Variants in CRCP observed in about 807,000 individuals in gnomAD.
CRCP encodes DNA-directed RNA polymerase III subunit RPC9.
Under a neutral mutation model 18.5 loss-of-function variants are expected in CRCP, and 18 were observed. The observed-to-expected ratio is 0.97, with a 90% CI of 0.67 to 1.44. The LOEUF (loss-of-function observed/expected upper bound fraction) is 1.44. Ranked by LOEUF, CRCP falls within the 40% of genes most tolerant of loss-of-function variation. The probability of loss-of-function intolerance (pLI) is 0.00; values close to 1 mark genes in which losing one functional copy is unlikely to be tolerated. For synonymous variants in CRCP, 53 were observed against 62.9 expected (o/e 0.84, Z 0.75); for missense variants, 130 against 176.4 (o/e 0.74, Z 1.49).
chr7:66,140,676 T>A (rs897276086), intron 4 of CRCP, among the ~76,000 whole-genome samples: 1 of 152,132 alleles, frequency 6.6e-6, no homozygotes, highest in Non-Finnish European at 1.5e-5. Flanking sequence ...CAGGCATGAG[T>A]CACTGCGCCC....
intron 1 of CRCP, among the ~76,000 whole-genome samples, chr7:66,124,630 G>T (rs970525336): frequency 6.6e-6 from 1 of 151,344 alleles, no homozygotes; most frequent in Non-Finnish European, 1.5e-5. Flanking sequence ...TGATCCTCCT[G>T]TCTCAGCCCG....
At chr7:66,147,178 C>T (rs1788323053) in intron 5 of CRCP, among the ~76,000 whole-genome samples, 1 of 152,076 alleles carries the variant, frequency 6.6e-6, no homozygotes, top group Non-Finnish European at 1.5e-5. Flanking sequence ...CCCATCTCTA[C>T]TAAAAGTACA....
intron 4 of CRCP, among the ~76,000 whole-genome samples, chr7:66,140,579 A>G (rs967753339): frequency 4.0e-5 from 6 of 151,632 alleles, no homozygotes; most frequent in Non-Finnish European, 8.8e-5. Context: ...TTTAGTAGAG[A>G]CGGGGTTTCT....
intron 4 of CRCP, among the ~76,000 whole-genome samples, chr7:66,135,413 T>C (rs1269344685): frequency 6.6e-6 from 1 of 152,208 alleles, no homozygotes; most frequent in East Asian, 1.9e-4. Context: ...AATGTAGAAA[T>C]GGGGAAAAAA....
At chr7:66,138,924 T>G (rs1205267743) in intron 4 of CRCP, among the ~76,000 whole-genome samples, 1 of 152,176 alleles carries the variant, frequency 6.6e-6, no homozygotes, top group Non-Finnish European at 1.5e-5. Flanking sequence ...TTATGTAAAT[T>G]TATGTTTCTT....
chr7:66,130,844 T>G lies in CRCP; in HGVS notation c.144+2T>G. ...AACTTGAACACTATCACCTATGAAG[T>G]AAGGCTGGGCTTCTGCCAGGCCTAC... On this transcript the variant is annotated splice_donor_variant, in intron 3 of 5. Coordinates refer to ENST00000395326, the MANE Select transcript of CRCP (RefSeq NM_014478.5). LOFTEE classifies it high-confidence loss of function. 6.6e-7 allele frequency: 1 copy of G among 1,504,542 alleles called. No homozygotes were observed. The highest frequency in any genetic ancestry group is 9.2e-7 in the Non-Finnish European group (1 of 1,083,716). The allele number at this position is 1,504,542 out of a possible 1,614,324, so 93.2% of individuals were successfully genotyped here.
chr7:66,116,441 AT>A (rs752791967), intron 1 of CRCP, among the ~76,000 whole-genome samples: 25 of 150,614 alleles, frequency 1.7e-4, no homozygotes, highest in Non-Finnish European at 3.2e-4. Flanking sequence ...ATGAGCTGAG[AT>A]AGAGCCACTA....
chr7:66,148,847 T>G (rs1788374651), intron 5 of CRCP, among the ~76,000 whole-genome samples: 1 of 152,236 alleles, frequency 6.6e-6, no homozygotes, highest in Non-Finnish European at 1.5e-5. Flanking sequence ...GTGTTCTCCT[T>G]TTGTCCTCGC....
chr7:66,144,908 GGAGGTCGAGGCAGGTGGATCCCCT>G (rs1262003032), intron 4 of CRCP, among the ~76,000 whole-genome samples: 1 of 152,190 alleles, frequency 6.6e-6, no homozygotes, highest in African/African-American at 2.4e-5. Context: ...TACCACTTTG[GGAGGTCGAGGCAGGTGGATCCCCT>G]GAGGTCGAGG....
Position 66,152,438 on chromosome 7 carries a change from T to C in CRCP, c.*81T>C. 1 of 1,508,604 alleles carries C rather than the reference T, an allele frequency of 6.6e-7. No individual in the cohort carries two copies. Among genetic ancestry groups the C allele is most frequent in the Non-Finnish European group, 9.0e-7 (1 of 1,105,680 alleles). The allele number at this position is 1,508,604 out of a possible 1,614,324, so 93.5% of individuals were successfully genotyped here. A position where few individuals can be genotyped will look rare whatever the true frequency, so the allele number is the denominator to read the frequency against. ...CTGGACGTTGAGAGGATTGTTTATT[T>C]GATTTTTATCCTCATCCCAGCAGGC... On this transcript the variant is annotated 3_prime_UTR_variant, in exon 6 of 6. Coordinates refer to ENST00000395326, the MANE Select transcript of CRCP (RefSeq NM_014478.5).
At chr7:66,139,636 G>C (rs1228992003) in intron 4 of CRCP, among the ~76,000 whole-genome samples, 1 of 152,190 alleles carries the variant, frequency 6.6e-6, no homozygotes, top group African/African-American at 2.4e-5. Flanking sequence ...ACTTCAAGTC[G>C]GTCTTGCCTT....
At chr7:66,141,518 A>G (rs1000034769) in intron 4 of CRCP, among the ~76,000 whole-genome samples, 1 of 152,100 alleles carries the variant, frequency 6.6e-6, no homozygotes, top group South Asian at 2.1e-4. Flanking sequence ...GGGTCAGAGG[A>G]TGAAAGTCAG....
At chr7:66,121,186 T>C (rs1021744162) in intron 1 of CRCP, among the ~76,000 whole-genome samples, 9 of 151,832 alleles carry the variant, frequency 5.9e-5, no homozygotes, top group Non-Finnish European at 1.0e-4. Context: ...GCAGTCCTCC[T>C]GCCTGAGCCT....
chr7:66,150,258 A>T (rs1040612642), intron 5 of CRCP, among the ~76,000 whole-genome samples: 4 of 151,586 alleles, frequency 2.6e-5, no homozygotes, highest in African/African-American at 9.7e-5. Flanking sequence ...TTTACTAAAA[A>T]TACAAAATTA....
chr7:66,154,164 C>T lies in CRCP; in HGVS notation c.*1807C>T, dbSNP rs1258074100. The T allele has an allele frequency of 6.7e-6, 1 of 149,492 alleles. No homozygotes were observed. Among genetic ancestry groups the T allele is most frequent in the African/African-American group, 2.5e-5 (1 of 40,578 alleles). The allele number at this position is 149,492 out of a possible 1,614,324, so 9.3% of individuals were successfully genotyped here. ...TCAGGGCATACATGTGCCAATCTGT[C>T]TCATTGTTGTCTCTCTCTTTTTTTT... On this transcript the variant is annotated 3_prime_UTR_variant, in exon 6 of 6. Transcript: ENST00000395326.
intron 1 of CRCP, among the ~76,000 whole-genome samples, chr7:66,124,127 C>T (rs1313392462): frequency 1.0e-4 from 14 of 138,350 alleles, no homozygotes; most frequent in Non-Finnish European, 1.5e-4. Flanking sequence ...TTTGGGAGGC[C>T]GAGGCGGGCG....
chr7:66,129,924 C>T (rs1235387649), intron 2 of CRCP, among the ~76,000 whole-genome samples: 1 of 151,974 alleles, frequency 6.6e-6, no homozygotes, highest in African/African-American at 2.4e-5. Context: ...CCCCCTGCCC[C>T]CAGCACTAAT....
chr7:66,140,438 C>T (rs1386135373), intron 4 of CRCP, among the ~76,000 whole-genome samples: 1 of 150,520 alleles, frequency 6.6e-6, no homozygotes, highest in African/African-American at 2.4e-5. Flanking sequence ...GTTACCCAGG[C>T]TGGATGGAGT....
chr7:66,142,074 G>C (rs573325944), intron 4 of CRCP, among the ~76,000 whole-genome samples: 1 of 152,096 alleles, frequency 6.6e-6, no homozygotes, highest in Non-Finnish European at 1.5e-5. Flanking sequence ...TAGTCTTTGC[G>C]ATCCCTCTTC....
Sources: allele counts gnomAD v4.1 joint callset (sites outside exome capture counted in the v4.1 genomes callset), GRCh38; gene constraint gnomAD v4.1.1; transcripts MANE v1.5; gene names NCBI Gene and HGNC (gene_info 2026-07-23, HGNC 2026-07-21).